Variants in ULK4 observed in about 807,000 individuals in gnomAD.
ULK4 encodes the protein unc-51 like kinase 4, also known as inactive serine/threonine-protein kinase ULK4.
A neutral mutation model predicts 160.6 loss-of-function variants in ULK4; 133 were observed. That is an observed-to-expected ratio of 0.83 (90% confidence interval 0.72 to 0.96). The LOEUF (loss-of-function observed/expected upper bound fraction) is 0.96. ULK4 is among the 40% of genes least tolerant of loss of function. The probability of loss-of-function intolerance (pLI) is 0.00; values close to 1 mark genes in which losing one functional copy is unlikely to be tolerated. For synonymous variants in ULK4, 534 were observed against 539.8 expected, an observed-to-expected ratio of 0.99 and a Z score of 0.15; for missense variants, 1,580 against 1,499.5, an observed-to-expected ratio of 1.05 and a Z score of -0.89.
chr3:41,556,082 C>T (rs951393823), intron 32 of ULK4, among the ~76,000 whole-genome samples: 2 of 152,066 alleles, frequency 1.3e-5, no homozygotes, highest in African/African-American at 2.4e-5. Flanking sequence ...GAGTACTAGG[C>T]TTAATACCTG....
Position 41,844,054 on chromosome 3 carries a change from G to C in ULK4, c.1657-8083C>G, listed in dbSNP as rs192696779. ...TGGTGTACTTACAATCCCTTAGCTA[G>C]ACATAAAGGTTCTGCAAGTCCCCAC... is the stretch of plus-strand genomic sequence containing the variant. On this transcript the variant is annotated intron_variant, in intron 17 of 36. Transcript: ENST00000301831. 5.9e-5 allele frequency among the ~76,000 whole-genome samples: 9 copies of C among 152,292 alleles called. No homozygotes were observed. In the South Asian group the frequency reaches 1.5e-3, roughly 25 times the overall value.
chr3:41,415,601 C>A lies in ULK4; in HGVS notation c.3493-17337G>T, dbSNP rs143292550. Among the ~76,000 whole-genome samples, 149 of 152,294 alleles carry A rather than the reference C, an allele frequency of 9.8e-4. 2 individuals carry two copies. Among genetic ancestry groups the A allele is most frequent in the African/African-American group, 3.4e-3 (141 of 41,546 alleles). ...GCCTATTTTCAAAAGGGTGCCTCCA[C>A]ATAAATCACGGCTCAGTTCAAAGGT... On this transcript the variant is annotated intron_variant, in intron 34 of 36. Transcript: ENST00000301831.
chr3:41,482,455 A>AG (rs2084362625), intron 32 of ULK4, among the ~76,000 whole-genome samples: 1 of 151,914 alleles, frequency 6.6e-6, no homozygotes, highest in Non-Finnish European at 1.5e-5. Context: ...ACTTGGGGCA[A>AG]GGGGCTTCAG....
intron 31 of ULK4, among the ~76,000 whole-genome samples, chr3:41,614,195 G>A (rs1262371218): frequency 2.0e-5 from 3 of 152,144 alleles, no homozygotes; most frequent in African/African-American, 7.2e-5. Context: ...TTCATCTAAC[G>A]GGTTAGAAGC....
rs114584280 is a variant in ULK4, at chr3:41,876,822, T to C, written c.1656+7052A>G. On this transcript the variant is annotated intron_variant, in intron 17 of 36. Transcript: ENST00000301831. The stretch of plus-strand genomic sequence containing the variant: ...AAAAGCCGGCAAAATCATGACAGAA[T>C]TGGAAGTTACGGTAACTTCCTTTGG... Among the ~76,000 whole-genome samples the C allele has an allele frequency of 6.6e-3, 999 of 152,206 alleles. 9 individuals are homozygous for C. The highest frequency in any genetic ancestry group is 0.023 in the African/African-American group (965 of 41,520).
At chr3:41,288,818 G>A (rs2079508900) in intron 35 of ULK4, among the ~76,000 whole-genome samples, 1 of 152,198 alleles carries the variant, frequency 6.6e-6, no homozygotes, top group Non-Finnish European at 1.5e-5. Context: ...CAGTGGCTGT[G>A]TATACTGAGA....
intron 21 of ULK4, among the ~76,000 whole-genome samples, chr3:41,758,741 C>T (rs1358799353): frequency 6.6e-6 from 1 of 151,860 alleles, no homozygotes. Context: ...GGCGCAGTGG[C>T]GGGTGCCTGT....
intron 34 of ULK4, among the ~76,000 whole-genome samples, chr3:41,406,733 A>G (rs910703973): frequency 1.3e-5 from 2 of 152,094 alleles, no homozygotes; most frequent in African/African-American, 4.8e-5. Flanking sequence ...TCCAGTGATG[A>G]CCATTAAATT....
chr3:41,600,372 G>C (rs1048698353), intron 31 of ULK4, among the ~76,000 whole-genome samples: 1 of 152,210 alleles, frequency 6.6e-6, no homozygotes, highest in Admixed American at 6.5e-5. Context: ...ACTGCAAACT[G>C]TGACAACTGC....
chr3:41,353,296 AG>A (rs2080948334), intron 35 of ULK4, among the ~76,000 whole-genome samples: 1 of 152,172 alleles, frequency 6.6e-6, no homozygotes, highest in Non-Finnish European at 1.5e-5. Context: ...CTCTATTCAG[AG>A]GGCCAGTGAT....
At chr3:41,302,536 A>G (rs1180036146) in intron 35 of ULK4, among the ~76,000 whole-genome samples, 2 of 152,254 alleles carry the variant, frequency 1.3e-5, no homozygotes, top group Non-Finnish European at 2.9e-5. Flanking sequence ...TGTGCTCTAA[A>G]GAGGCAGTTT....
chr3:41,854,343 A>G (rs2042284948), intron 17 of ULK4, among the ~76,000 whole-genome samples: 1 of 152,162 alleles, frequency 6.6e-6, no homozygotes. Context: ...TAAGGTGGCT[A>G]TCCTTATAGG....
chr3:41,716,903 AAATG>A (rs1214826715), intron 23 of ULK4, among the ~76,000 whole-genome samples: 1 of 152,234 alleles, frequency 6.6e-6, no homozygotes, highest in Non-Finnish European at 1.5e-5. Flanking sequence ...TTTGAACTTT[AAATG>A]AATATCAAAA....
Position 41,935,900 on chromosome 3 carries a change from G to T in ULK4, c.279C>A (p.Leu93=), listed in dbSNP as rs772536374. ...LKTVIAQDEN[L]PEDVVREFGI... The stretch of plus-strand genomic sequence containing the variant: ...CAAATTCTCTCACAACATCTTCTGG[G>T]AGGTTTTCATCTTGAGCAATAACTG... The change falls in exon 4 of 37, where the codon CTC becomes CTA. Residue 93 remains leucine, a synonymous_variant. Transcript: ENST00000301831. 1 of 1,613,832 alleles carries T rather than the reference G, an allele frequency of 6.2e-7. No individual in the cohort carries two copies. Among genetic ancestry groups the T allele is most frequent in the African/African-American group, 1.3e-5 (1 of 74,888 alleles).
intron 30 of ULK4, among the ~76,000 whole-genome samples, chr3:41,641,576 T>G (rs774314412): frequency 6.6e-6 from 1 of 152,046 alleles, no homozygotes; most frequent in Non-Finnish European, 1.5e-5. Context: ...AATGTGTCTG[T>G]AGTCACAGCT....
intron 11 of ULK4, among the ~76,000 whole-genome samples, chr3:41,910,841 T>C (rs991600137): frequency 3.3e-5 from 5 of 151,974 alleles, no homozygotes; most frequent in African/African-American, 1.2e-4. Context: ...CACACACCTG[T>C]AGTCATAGCT....
At chr3:41,379,565 A>C (rs2081601076) in intron 35 of ULK4, among the ~76,000 whole-genome samples, 1 of 152,190 alleles carries the variant, frequency 6.6e-6, no homozygotes, top group South Asian at 2.1e-4. Flanking sequence ...CCGGTCTAGG[A>C]AGTTTGGCAC....
chr3:41,872,106 GA>G (rs1487642879), intron 17 of ULK4, among the ~76,000 whole-genome samples: 1 of 152,122 alleles, frequency 6.6e-6, no homozygotes, highest in East Asian at 1.9e-4. Context: ...TTAGCCCTAG[GA>G]TATAGCCCTT....
intron 35 of ULK4, among the ~76,000 whole-genome samples, chr3:41,264,333 C>A (rs2078993696): frequency 6.6e-6 from 1 of 152,232 alleles, no homozygotes; most frequent in African/African-American, 2.4e-5. Flanking sequence ...AGATCCCTAA[C>A]CACGCTGACA....
Sources: gnomAD v4.1 joint callset for allele counts (sites outside exome capture counted in the v4.1 genomes callset) on GRCh38, gnomAD v4.1.1 for gene constraint, MANE v1.5 for transcripts, NCBI Gene and HGNC (gene_info 2026-07-23, HGNC 2026-07-21) for gene names.